PCID2: variants seen among roughly 807,000 people sequenced by gnomAD.
The protein encoded by PCID2 is PCI domain containing 2, also known as PCI domain-containing protein 2.
A neutral mutation model predicts 61.3 loss-of-function variants in PCID2; 41 were observed. The ratio of observed to expected loss-of-function variants is 0.67; its 90% CI spans 0.52 to 0.87. The LOEUF is 0.87. PCID2 is among the 40% of genes least tolerant of loss of function. The pLI is 0.00. For synonymous variants in PCID2, 187 were observed against 177.8 expected, an observed-to-expected ratio of 1.05 and a Z score of -0.41; for missense variants, 392 against 493.4, an observed-to-expected ratio of 0.79 and a Z score of 1.95.
chr13:113,201,330 AAAG>A (rs1456542331), intron 1 of PCID2, among the ~76,000 whole-genome samples: 1 of 152,122 alleles, frequency 6.6e-6, no homozygotes, highest in Non-Finnish European at 1.5e-5. Flanking sequence ...TTGGGAGAAA[AAAG>A]AAGAGAAAAA....
chr13:113,171,640 C>T, the PCID2 span: 16 of 1,614,026 alleles, frequency 9.9e-6, no homozygotes, highest in Admixed American at 1.2e-4. The surrounding 1 kb of genome is among the most constrained non-coding windows in gnomAD (Gnocchi z 5.1). Flanking sequence ...AGATAACGCA[C>T]GTCCATGTGC....
At chr13:113,208,450 C>A in intron 1 of PCID2, 149 bp downstream of exon 1, 2 of 1,520,440 alleles carry the variant, frequency 1.3e-6, no homozygotes, top group Admixed American at 2.0e-5. Flanking sequence ...CGCCGCTGTT[C>A]GGCTCGCGCG....
chr13:113,182,458 C>G (rs1288365106), intron 9 of PCID2, among the ~76,000 whole-genome samples: 1 of 152,140 alleles, frequency 6.6e-6, no homozygotes, highest in Non-Finnish European at 1.5e-5. Flanking sequence ...TTTGCTACTG[C>G]CCAAGGTAAT....
intron 1 of PCID2, among the ~76,000 whole-genome samples, chr13:113,202,397 C>G (rs1364672200): frequency 6.6e-6 from 1 of 152,192 alleles, no homozygotes; most frequent in Non-Finnish European, 1.5e-5. Flanking sequence ...ATCACACTGC[C>G]AGGAACTTAC....
At chr13:113,192,145 C>A (rs1215861381) in intron 6 of PCID2, among the ~76,000 whole-genome samples, 1 of 152,112 alleles carries the variant, frequency 6.6e-6, no homozygotes, top group Middle Eastern at 3.2e-3. Context: ...GTAGTCCCAG[C>A]TACTCAGGAG....
the PCID2 span, chr13:113,172,179 G>A: frequency 1.7e-4 from 259 of 1,568,092 alleles, no homozygotes; most frequent in African/African-American, 3.2e-3. Flanking sequence ...ACTGTGGAGG[G>A]CGCTGAAACT....
chr13:113,201,664 T>C (rs1357977808), intron 1 of PCID2, among the ~76,000 whole-genome samples: 1 of 151,728 alleles, frequency 6.6e-6, no homozygotes, highest in East Asian at 1.9e-4. Context: ...ACAAAAAAAT[T>C]AGCCGGGTGT....
chr13:113,200,384 G>C (rs780699845), intron 2 of PCID2, 43 bp downstream of exon 2: 2 of 1,151,770 alleles, frequency 1.7e-6, no homozygotes, highest in Admixed American at 3.4e-5. Flanking sequence ...TGGTTACCCT[G>C]TAATTGTCTG....
At chr13:113,181,277 T>G (rs1304591207) in intron 9 of PCID2, 47 bp from the exon 10 acceptor site, 4 of 1,159,430 alleles carry the variant, frequency 3.4e-6, no homozygotes, top group Non-Finnish European at 5.2e-6. Flanking sequence ...CGCACCTGCT[T>G]CAGGCCCCTT....
intron 1 of PCID2, among the ~76,000 whole-genome samples, chr13:113,202,846 CA>C (rs2039530615): frequency 6.6e-6 from 1 of 152,156 alleles, no homozygotes; most frequent in Non-Finnish European, 1.5e-5. Flanking sequence ...AAGTTACTTA[CA>C]ACCCCATTCA....
chr13:113,178,160 A>G lies in PCID2; in HGVS notation c.*38T>C, dbSNP rs1213832821. The G allele has an allele frequency of 1.3e-6, 2 of 1,512,328 alleles. No individual in the cohort carries two copies. Among genetic ancestry groups the G allele is most frequent in the South Asian group, 2.3e-5 (2 of 88,864 alleles). The allele number at this position is 1,512,328 out of a possible 1,614,324, so 93.7% of individuals were successfully genotyped here. On this transcript the variant is annotated 3_prime_UTR_variant, in exon 14 of 14. Coordinates refer to ENST00000337344, the MANE Select transcript of PCID2 (RefSeq NM_001127202.4). ...TCATCAGCACAACCAAAGTGGAAAG[A>G]AACAACTGCTCACCCGTCCTCGGGG...
chr13:113,188,686 A>G (rs1005502671), intron 7 of PCID2: 10 of 152,240 alleles, frequency 6.6e-5, no homozygotes, highest in African/African-American at 2.4e-4. Flanking sequence ...CTTGCTTTCA[A>G]TGTCCAACCC....
At chr13:113,192,196 G>A (rs2038675480) in intron 6 of PCID2, among the ~76,000 whole-genome samples, 1 of 152,236 alleles carries the variant, frequency 6.6e-6, no homozygotes, top group South Asian at 2.1e-4. Flanking sequence ...CAAGGCTGCA[G>A]TGAGCTATGA....
chr13:113,204,693 C>T lies in PCID2; in HGVS notation c.36+3906G>A, dbSNP rs2039675675. ...GGCATGAATGTGTCCCAGGGGTGGT[C>T]CTATCAATGCCCCTGCCTCAATGAC... On this transcript the variant is annotated intron_variant, in intron 1 of 13. Coordinates refer to ENST00000337344, the MANE Select transcript of PCID2 (RefSeq NM_001127202.4). 2.6e-5 allele frequency among the ~76,000 whole-genome samples: 4 copies of T among 152,290 alleles called. No individual in the cohort carries two copies. The South Asian group carries it at 8.3e-4, about 32-fold the overall frequency.
the PCID2 span, chr13:113,165,210 G>A: frequency 5.2e-6 from 7 of 1,352,344 alleles, no homozygotes; most frequent in Non-Finnish European, 7.2e-6. Context: ...ACAACTAAGT[G>A]AATCAGGCAT....
chr13:113,174,976 G>A (rs564607511), downstream of PCID2, among the ~76,000 whole-genome samples: 1 of 152,196 alleles, frequency 6.6e-6, no homozygotes, highest in Non-Finnish European at 1.5e-5. Flanking sequence ...ATCCCCACGT[G>A]TGGAGAAGTG....
chr13:113,167,795 C>T, the PCID2 span, among the ~76,000 whole-genome samples: 9 of 150,128 alleles, frequency 6.0e-5, no homozygotes, highest in Admixed American at 1.3e-4. Flanking sequence ...TTGTAATTGT[C>T]GATATGTTTA....
At chr13:113,173,592 G>A (rs371118244), downstream of PCID2, among the ~76,000 whole-genome samples, 118 of 152,242 alleles carry the variant, frequency 7.8e-4, 2 homozygotes, top group South Asian at 0.023. Context: ...TTTCATTTAC[G>A]CTTTAACCCC....
rs922206564 is a variant in PCID2 at position 113,200,417 on chromosome 13, T to C, written c.126+10A>G. 2.2e-5 allele frequency: 35 copies of C among 1,558,564 alleles called. No individual in the cohort carries two copies. Among genetic ancestry groups the C allele is most frequent in the Non-Finnish European group, 3.0e-5 (34 of 1,129,466 alleles). On this transcript the variant is annotated intron_variant, in intron 2 of 13. Coordinates refer to ENST00000337344, the MANE Select transcript of PCID2 (RefSeq NM_001127202.4). ...CTGCAGACACCTGTGTGCACAGCTC[T>C]TTCACCTACTTGAAGTCGTGGGTTT...
Sources: allele counts gnomAD v4.1 joint callset (sites outside exome capture counted in the v4.1 genomes callset), GRCh38; gene constraint gnomAD v4.1.1; non-coding constraint Gnocchi (gnomAD v3.1); transcripts MANE v1.5; gene names NCBI Gene and HGNC (gene_info 2026-07-23, HGNC 2026-07-21).